The following CSNK1D variants were observed in gnomAD, a reference collection of about 807,000 sequenced individuals.
The protein encoded by CSNK1D is casein kinase 1 delta, also known as casein kinase I isoform delta.
Under a neutral mutation model 46.6 loss-of-function variants are expected in CSNK1D, and 16 were observed. The ratio of observed to expected loss-of-function variants is 0.34; its 90% CI spans 0.23 to 0.52. CSNK1D has a LOEUF of 0.52. Among genes scored for constraint, CSNK1D ranks in the 20% least tolerant of loss-of-function variants. The probability of loss-of-function intolerance (pLI) is 0.95; values close to 1 mark genes in which losing one functional copy is unlikely to be tolerated. For synonymous variants in CSNK1D, 276 were observed against 228.2 expected, an observed-to-expected ratio of 1.21 and a Z score of -1.89; for missense variants, 398 against 578.4, an observed-to-expected ratio of 0.69 and a Z score of 3.20.
rs1488539294 is a variant in CSNK1D, at chr17:82,250,728, C to G, written c.885+651G>C. Reference sequence around the variant, plus strand: ...CCTCCCAAGAGGCAGTTCTGCTCCTCCATCAGACTGCTGCCTGGAAAAGCT... The same window carrying G: ...CCTCCCAAGAGGCAGTTCTGCTCCTGCATCAGACTGCTGCCTGGAAAAGCT... On this transcript the variant is annotated intron_variant, in intron 6 of 8. Coordinates refer to ENST00000314028, the MANE Select transcript of CSNK1D (RefSeq NM_001893.6). The surrounding 1 kb of genome is among the most constrained non-coding windows in gnomAD (Gnocchi z 4.6). 6.0e-6 allele frequency: 1 copy of G among 166,014 alleles called. No individual in the cohort carries two copies. The highest frequency in any genetic ancestry group is 2.4e-5 in the African/African-American group (1 of 41,602). 10.3% of individuals were successfully genotyped at this position (166,014 alleles called of 1,614,324 possible).
chr17:82,247,777 T>A lies in CSNK1D; in HGVS notation c.1197+1098A>T, dbSNP rs555104095. 9.1e-6 allele frequency: 9 copies of A among 985,452 alleles called. 1 individual carries two copies. The highest frequency in any genetic ancestry group is 1.1e-5 in the Non-Finnish European group (9 of 829,922). 61.0% of individuals were successfully genotyped at this position (985,452 alleles called of 1,614,324 possible). ...CCAGACCCCTCGAGCCCAATTCATA[T>A]AACCACAAAGTCAAAATAACCACGA... On this transcript the variant is annotated intron_variant, in intron 8 of 8. Coordinates refer to ENST00000314028, the MANE Select transcript of CSNK1D (RefSeq NM_001893.6).
intron 2 of CSNK1D, chr17:82,265,444 G>C: frequency 2.0e-6 from 1 of 499,576 alleles, no homozygotes; most frequent in South Asian, 2.0e-5. Flanking sequence ...CTCCCAAAGT[G>C]CTGGGATTCC....
chr17:82,249,417 A>AG lies in CSNK1D; in HGVS notation c.1057+13dup, dbSNP rs1416452162. On this transcript the variant is annotated intron_variant, in intron 7 of 8. Transcript: ENST00000314028. This position sits in a 1 kb window ranked among gnomAD's most constrained non-coding sequence, Gnocchi z 6.7. The stretch of plus-strand genomic sequence containing the variant: ...CCAGAGCCAGCCCCAGAGCGCTGGG[A>AG]GGGGGGCACTCACCCGTGTGTGAGG... The AG allele has an allele frequency of 2.0e-6, 3 of 1,533,154 alleles. No individual in the cohort carries two copies. Among genetic ancestry groups the AG allele is most frequent in the Non-Finnish European group, 2.6e-6 (3 of 1,144,236 alleles). The allele number at this position is 1,533,154 out of a possible 1,614,324, so 95.0% of individuals were successfully genotyped here. A position where few individuals can be genotyped will look rare whatever the true frequency, so the allele number is the denominator to read the frequency against.
chr17:82,246,735 G>A (rs1263347829), intron 8 of CSNK1D: 3 of 992,250 alleles, frequency 3.0e-6, no homozygotes, highest in Non-Finnish European at 3.6e-6. Context: ...CAAGCCCTGG[G>A]AGACCTTCCT....
At chr17:82,245,698 C>T (rs987345243) in intron 8 of CSNK1D, 35 of 463,546 alleles carry the variant, frequency 7.6e-5, no homozygotes, top group Non-Finnish European at 1.1e-4. Context: ...AGGAGAGCAA[C>T]GGCACACGGA....
At chr17:82,262,803 A>C (rs1402979435) in intron 2 of CSNK1D, among the ~76,000 whole-genome samples, 2 of 152,234 alleles carry the variant, frequency 1.3e-5, no homozygotes, top group African/African-American at 4.8e-5. Context: ...TTTAGTCTCA[A>C]AGTGAATTCA....
Position 82,251,786 on chromosome 17 carries a change from C to A in CSNK1D, c.737-259G>T. 4.3e-5 allele frequency: 19 copies of A among 441,496 alleles called. No homozygotes were observed. Among genetic ancestry groups the A allele is most frequent in the Non-Finnish European group, 4.6e-5 (11 of 237,308 alleles). 27.3% of individuals were successfully genotyped at this position (441,496 alleles called of 1,614,324 possible). A position where few individuals can be genotyped will look rare whatever the true frequency, so the allele number is the denominator to read the frequency against. ...AGGGCGGATCACGAGGTCAGGAGAT[C>A]AAGACCATCCTGGCTAACACAGTGA... On this transcript the variant is annotated intron_variant, in intron 5 of 8. Coordinates refer to ENST00000314028, the MANE Select transcript of CSNK1D (RefSeq NM_001893.6). The surrounding 1 kb of genome is among the most constrained non-coding windows in gnomAD (Gnocchi z 4.5).
At chr17:82,253,267 A>AG in intron 3 of CSNK1D, 23 bp from the exon 4 acceptor site, 1 of 1,595,316 alleles carries the variant, frequency 6.3e-7, no homozygotes, top group Non-Finnish European at 8.6e-7. Flanking sequence ...CAAGGGCGCG[A>AG]GATGGCACCC....
chr17:82,248,801 A>G lies in CSNK1D; in HGVS notation c.1197+74T>C. The stretch of plus-strand genomic sequence containing the variant: ...GAAGAAAGGAAAGAAGAAGCCCTGG[A>G]GAAACCACAGCCCGCTCTTGACTCG... On this transcript the variant is annotated intron_variant, in intron 8 of 8. Coordinates refer to ENST00000314028, the MANE Select transcript of CSNK1D (RefSeq NM_001893.6). The surrounding 1 kb of genome is among the most constrained non-coding windows in gnomAD (Gnocchi z 4.1). The G allele has an allele frequency of 6.4e-7, 1 of 1,557,812 alleles. No individual in the cohort carries two copies. The highest frequency in any genetic ancestry group is 8.7e-7 in the Non-Finnish European group (1 of 1,152,042).
At position 82,243,037 on chromosome 17, in the gene CSNK1D, CTCT is replaced by C. The variant is rs1220737946; in HGVS notation, c.*1741_*1743del. The C allele has an allele frequency of 7.1e-6, 7 of 985,334 alleles. No individual in the cohort carries two copies. The highest frequency in any genetic ancestry group is 1.7e-5 in the African/African-American group (1 of 57,228). The allele number at this position is 985,334 out of a possible 1,614,324, so 61.0% of individuals were successfully genotyped here. A position where few individuals can be genotyped will look rare whatever the true frequency, so the allele number is the denominator to read the frequency against. Reference sequence around the variant, plus strand: ...GAAGGGGTCCAGCAACAAAGAAAATCTCTTAACTCGGCTCTGACCCACCCCAAC... The same window carrying C: ...GAAGGGGTCCAGCAACAAAGAAAATCTAACTCGGCTCTGACCCACCCCAAC... On this transcript the variant is annotated 3_prime_UTR_variant, in exon 9 of 9. Coordinates refer to ENST00000314028, the MANE Select transcript of CSNK1D (RefSeq NM_001893.6).
chr17:82,239,305 A>AGGGT (rs1426491568), downstream of CSNK1D: 2 of 1,222 alleles, frequency 1.6e-3, no homozygotes, highest in African/African-American at 8.4e-3. Flanking sequence ...CTTTAATGGG[A>AGGGT]GGGTGGGTGG....
At chr17:82,246,836 C>G (rs1012005269) in intron 8 of CSNK1D, 1 of 986,192 alleles carries the variant, frequency 1.0e-6, no homozygotes, top group Non-Finnish European at 1.2e-6. Context: ...GAAGACTGGC[C>G]GGGGATGAGT....
At chr17:82,259,199 G>C (rs1402302334) in intron 2 of CSNK1D, among the ~76,000 whole-genome samples, 1 of 152,142 alleles carries the variant, frequency 6.6e-6, no homozygotes, top group Non-Finnish European at 1.5e-5. Flanking sequence ...ATTTACCCCA[G>C]ATACCTTTTT....
At position 82,249,903 on chromosome 17, in the gene CSNK1D, G is replaced by A. The variant is rs2050956443; in HGVS notation, c.886-301C>T. ...AAATGGGCAGCAGCTACCCCCTGCTGCTCTGTGAACATGCTCACTAACACG... is the reference window on the plus strand; with the variant it reads ...AAATGGGCAGCAGCTACCCCCTGCTACTCTGTGAACATGCTCACTAACACG... On this transcript the variant is annotated intron_variant, in intron 6 of 8. Transcript: ENST00000314028. The surrounding 1 kb of genome is among the most constrained non-coding windows in gnomAD (Gnocchi z 6.7). 1 of 1,358,658 alleles carries A rather than the reference G, an allele frequency of 7.4e-7. No homozygotes were observed. Among genetic ancestry groups the A allele is most frequent in the East Asian group, 3.0e-5 (1 of 33,152 alleles). The allele number at this position is 1,358,658 out of a possible 1,614,324, so 84.2% of individuals were successfully genotyped here.
intron 2 of CSNK1D, among the ~76,000 whole-genome samples, chr17:82,260,123 G>A (rs2051289711): frequency 6.6e-6 from 1 of 150,712 alleles, no homozygotes; most frequent in Admixed American, 6.6e-5. Context: ...TGACTGATGT[G>A]ACTGATGGTG....
chr17:82,263,197 CA>C (rs1308415755), intron 2 of CSNK1D, among the ~76,000 whole-genome samples: 1 of 152,008 alleles, frequency 6.6e-6, no homozygotes, highest in Non-Finnish European at 1.5e-5. Context: ...AAACAAAAAA[CA>C]AAAAACAAAA....
In CSNK1D at chr17:82,249,141, G is replaced by A. The variant is rs780908081; in HGVS notation, c.1058-127C>T. The A allele has an allele frequency of 2.9e-5, 34 of 1,180,400 alleles. No homozygotes were observed. Among genetic ancestry groups the A allele is most frequent in the Non-Finnish European group, 3.3e-5 (28 of 848,044 alleles). 73.1% of individuals were successfully genotyped at this position (1,180,400 alleles called of 1,614,324 possible). On this transcript the variant is annotated intron_variant, in intron 7 of 8. Coordinates refer to ENST00000314028, the MANE Select transcript of CSNK1D (RefSeq NM_001893.6). This position sits in a 1 kb window ranked among gnomAD's most constrained non-coding sequence, Gnocchi z 6.7. ...GGACAGTCAGGACCTGGCTGTGGCCGATGGCCACCAACACTCAGATCCGGC... is the reference window on the plus strand; with the variant it reads ...GGACAGTCAGGACCTGGCTGTGGCCAATGGCCACCAACACTCAGATCCGGC...
At chr17:82,247,863 T>C (rs770900949) in intron 8 of CSNK1D, 22 of 985,352 alleles carry the variant, frequency 2.2e-5, no homozygotes, top group Non-Finnish European at 2.5e-5. Context: ...GGTCTGTTTC[T>C]AGTGAAATTA....
chr17:82,245,941 C>T (rs556851600), intron 8 of CSNK1D: 39 of 1,575,486 alleles, frequency 2.5e-5, no homozygotes, highest in African/African-American at 1.4e-4. Context: ...ACCCACCTGG[C>T]GCTGCTGCCT....
Sources: gnomAD v4.1 joint callset for allele counts (sites outside exome capture counted in the v4.1 genomes callset) on GRCh38, gnomAD v4.1.1 for gene constraint, Gnocchi (gnomAD v3.1) non-coding constraint, MANE v1.5 for transcripts, NCBI Gene and HGNC (gene_info 2026-07-23, HGNC 2026-07-21) for gene names.